Variants in AGBL4 observed in about 807,000 individuals in gnomAD.
AGBL4 encodes the protein cytosolic carboxypeptidase 6.
AGBL4 carries 58 observed loss-of-function variants against 66.4 expected under a neutral mutation model. The observed-to-expected ratio is 0.87, with a 90% CI of 0.71 to 1.09. The LOEUF is 1.09. Ranked by LOEUF, AGBL4 falls within the 50% of genes least tolerant of loss-of-function variation. The pLI, the probability that AGBL4 is intolerant of heterozygous loss-of-function variation, is 0.00. For missense variants in AGBL4, 579 were observed against 631.0 expected (o/e 0.92, Z 0.88); for synonymous variants, 234 against 222.9 (o/e 1.05, Z -0.44).
chr1:48,954,367 A>T (rs1056613512), intron 5 of AGBL4, among the ~76,000 whole-genome samples: 1 of 152,234 alleles, frequency 6.6e-6, no homozygotes, highest in African/African-American at 2.4e-5. Flanking sequence ...ATCAAAATTG[A>T]TTCCAATGGC....
chr1:49,531,109 T>C (rs950824717), intron 3 of AGBL4, among the ~76,000 whole-genome samples: 2 of 152,150 alleles, frequency 1.3e-5, no homozygotes, highest in African/African-American at 4.8e-5. Context: ...TTTTCTAATT[T>C]TGATATCAAG....
intron 5 of AGBL4, among the ~76,000 whole-genome samples, chr1:48,971,160 C>G (rs574019611): frequency 6.6e-6 from 1 of 152,214 alleles, no homozygotes; most frequent in Admixed American, 6.5e-5. Context: ...AGGAACCAGG[C>G]AATACAGCAG....
chr1:49,906,616 TA>T (rs888044863), intron 1 of AGBL4, among the ~76,000 whole-genome samples: 4 of 151,784 alleles, frequency 2.6e-5, no homozygotes, highest in African/African-American at 9.7e-5. Context: ...TCTCAAATGC[TA>T]AAAAAAATTT....
intron 9 of AGBL4, 103 bp downstream of exon 9, chr1:48,634,390 G>A: frequency 2.2e-6 from 2 of 907,800 alleles, no homozygotes; most frequent in Non-Finnish European, 3.4e-6. Flanking sequence ...TTTTAGCTAT[G>A]TATTCCTAAT....
At chr1:49,328,113 C>A (rs1184013769) in intron 3 of AGBL4, among the ~76,000 whole-genome samples, 1 of 152,186 alleles carries the variant, frequency 6.6e-6, no homozygotes, top group Non-Finnish European at 1.5e-5. Flanking sequence ...AATAAGCCCA[C>A]GTGTAATCAC....
At chr1:49,193,498 G>T (rs992509736) in intron 4 of AGBL4, among the ~76,000 whole-genome samples, 10 of 150,252 alleles carry the variant, frequency 6.7e-5, no homozygotes, top group Admixed American at 3.3e-4. Context: ...CCATGTATTT[G>T]CACAGTTTTG....
intron 1 of AGBL4, among the ~76,000 whole-genome samples, chr1:50,016,509 C>G (rs1311170761): frequency 6.6e-6 from 1 of 152,110 alleles, no homozygotes; most frequent in African/African-American, 2.4e-5. Flanking sequence ...TTGCAGTGAG[C>G]AAAGATTGTG....
chr1:49,887,251 G>GTA (rs1359824453), intron 1 of AGBL4, among the ~76,000 whole-genome samples: 1 of 149,922 alleles, frequency 6.7e-6, no homozygotes, highest in East Asian at 2.0e-4. Flanking sequence ...ATGTGTGTGT[G>GTA]TATATATACA....
chr1:49,609,652 G>A (rs2124221313), intron 3 of AGBL4, among the ~76,000 whole-genome samples: 1 of 152,156 alleles, frequency 6.6e-6, no homozygotes, highest in African/African-American at 2.4e-5. Flanking sequence ...TGGTTCTACA[G>A]ATAAATTTCA....
chr1:49,056,207 G>A (rs1415397738), intron 4 of AGBL4, among the ~76,000 whole-genome samples: 1 of 151,740 alleles, frequency 6.6e-6, no homozygotes. Flanking sequence ...TATTGCCCAA[G>A]AGCTTCCCAT....
chr1:49,018,564 T>A (rs899897514), intron 5 of AGBL4, among the ~76,000 whole-genome samples: 2 of 152,088 alleles, frequency 1.3e-5, no homozygotes, highest in African/African-American at 4.8e-5. Context: ...CATGACAAAA[T>A]CCCCTTAGAA....
intron 6 of AGBL4, among the ~76,000 whole-genome samples, chr1:48,803,887 A>G (rs1645863062): frequency 6.6e-6 from 1 of 152,178 alleles, no homozygotes; most frequent in South Asian, 2.1e-4. Context: ...TTAAGCACTT[A>G]GGCTCTGGAA....
chr1:48,533,941 T>C lies in AGBL4; in HGVS notation c.*232A>G, dbSNP rs1643929423. 4 of 585,558 alleles carry C rather than the reference T, an allele frequency of 6.8e-6. No homozygotes were observed. The highest frequency in any genetic ancestry group is 5.8e-5 in the South Asian group (3 of 51,446). 36.3% of individuals were successfully genotyped at this position (585,558 alleles called of 1,614,324 possible). ...GTAGAAAATAGCATCTGTGCTCACC[T>C]GGTTCCGATCTCCTATTTTGTTCCT... On this transcript the variant is annotated 3_prime_UTR_variant, in exon 14 of 14. Coordinates refer to ENST00000371839, the MANE Select transcript of AGBL4 (RefSeq NM_032785.4).
chr1:49,586,931 T>C (rs2124038621), intron 3 of AGBL4, among the ~76,000 whole-genome samples: 1 of 152,126 alleles, frequency 6.6e-6, no homozygotes, highest in East Asian at 1.9e-4. Flanking sequence ...TTCTCCACCT[T>C]TTCCTCCCTC....
chr1:48,891,529 G>C lies in AGBL4; in HGVS notation c.595-24299C>G, dbSNP rs570945672. Among the ~76,000 whole-genome samples the C allele has an allele frequency of 5.9e-5, 9 of 152,304 alleles. No homozygotes were observed. The East Asian group carries it at 1.5e-3, about 26-fold the overall frequency. On this transcript the variant is annotated intron_variant, in intron 5 of 13. Coordinates refer to ENST00000371839, the MANE Select transcript of AGBL4 (RefSeq NM_032785.4). ...GAGGGCACATAAAGAGACCACTTCAGTTTAAAACGCTTGTTGCTATCTTAG... is the reference window on the plus strand; with the variant it reads ...GAGGGCACATAAAGAGACCACTTCACTTTAAAACGCTTGTTGCTATCTTAG...
At chr1:49,193,968 G>A (rs936969512) in intron 4 of AGBL4, among the ~76,000 whole-genome samples, 2 of 152,180 alleles carry the variant, frequency 1.3e-5, no homozygotes, top group Admixed American at 1.3e-4. Context: ...TTCATGGGCT[G>A]ATGATCAAAA....
At chr1:48,597,009 G>A (rs1299493319) in intron 9 of AGBL4, among the ~76,000 whole-genome samples, 4 of 152,070 alleles carry the variant, frequency 2.6e-5, no homozygotes, top group Non-Finnish European at 5.9e-5. Flanking sequence ...CAAGCACACT[G>A]GTGTTCTCGT....
At chr1:49,471,529 C>T (rs1181107336) in intron 3 of AGBL4, among the ~76,000 whole-genome samples, 1 of 151,762 alleles carries the variant, frequency 6.6e-6, no homozygotes, top group African/African-American at 2.4e-5. Flanking sequence ...AAGCAGCAGA[C>T]TAACTAGGGA....
chr1:49,589,927 T>G (rs931708577), intron 3 of AGBL4, among the ~76,000 whole-genome samples: 1 of 152,114 alleles, frequency 6.6e-6, no homozygotes, highest in African/African-American at 2.4e-5. Context: ...TCTTACTTGG[T>G]AGGCTTACTC....
Sources: allele counts gnomAD v4.1 joint callset (sites outside exome capture counted in the v4.1 genomes callset), GRCh38; gene constraint gnomAD v4.1.1; transcripts MANE v1.5; gene names NCBI Gene and HGNC (gene_info 2026-07-23, HGNC 2026-07-21).